Variants in TTC9C observed in about 807,000 individuals in gnomAD.
The protein encoded by TTC9C is tetratricopeptide repeat domain 9C, also known as tetratricopeptide repeat protein 9C.
In TTC9C, 15 loss-of-function variants were observed where a neutral mutation model predicts 22.5. That is an observed-to-expected ratio of 0.67 (90% CI 0.45 to 1.03). TTC9C has a LOEUF of 1.03. Among genes scored for constraint, TTC9C ranks in the 50% least tolerant of loss-of-function variants. The probability of loss-of-function intolerance (pLI) is 0.00; values close to 1 mark genes in which losing one functional copy is unlikely to be tolerated. For synonymous variants in TTC9C, 92 were observed against 86.8 expected (o/e 1.06, Z -0.33); for missense variants, 244 against 214.6 (o/e 1.14, Z -0.86).
At chr11:62,731,469 T>C (rs1432713999) in intron 1 of TTC9C, among the ~76,000 whole-genome samples, 2 of 152,042 alleles carry the variant, frequency 1.3e-5, no homozygotes, top group African/African-American at 4.8e-5. Context: ...TGGTTGTGCT[T>C]GCCGGTAGTC....
At chr11:62,731,108 C>T (rs920527792) in intron 1 of TTC9C, among the ~76,000 whole-genome samples, 9 of 151,870 alleles carry the variant, frequency 5.9e-5, no homozygotes, top group Non-Finnish European at 7.4e-5. Context: ...AGGCTGGTCT[C>T]GAGCTCCTGA....
chr11:62,733,880 TACTC>T (rs1397671156), intron 1 of TTC9C, among the ~76,000 whole-genome samples: 3 of 151,902 alleles, frequency 2.0e-5, no homozygotes, highest in Non-Finnish European at 2.9e-5. Context: ...TAATCCCAGT[TACTC>T]AGGAGGCTGA....
rs752782478 is a variant in TTC9C, at chr11:62,728,549, A to G, written c.-300A>G. The G allele has an allele frequency of 5.4e-5, 28 of 521,846 alleles. No homozygotes were observed. The East Asian group carries it at 6.0e-4, about 11-fold the overall frequency. The allele number at this position is 521,846 out of a possible 1,614,324, so 32.3% of individuals were successfully genotyped here. A position where few individuals can be genotyped will look rare whatever the true frequency, so the allele number is the denominator to read the frequency against. On this transcript the variant is annotated 5_prime_UTR_variant, in exon 1 of 3. Transcript: ENST00000316461. ...GTAGGGCCTTGCTTGAGTTCTTCGG[A>G]AAGTCTCATCCACCCCCACATCGCC...
chr11:62,737,065 G>A (rs2134823839), intron 2 of TTC9C, among the ~76,000 whole-genome samples: 2 of 152,160 alleles, frequency 1.3e-5, no homozygotes, highest in Admixed American at 1.3e-4. Flanking sequence ...CGGGCGTGGT[G>A]GCGGGCGCCT....
At chr11:62,736,427 G>T (rs983654754) in intron 2 of TTC9C, among the ~76,000 whole-genome samples, 23 of 152,050 alleles carry the variant, frequency 1.5e-4, no homozygotes, top group African/African-American at 5.6e-4. Flanking sequence ...GGGCGCAGTG[G>T]CTCACACCTG....
chr11:62,738,550 C>T lies in TTC9C; in HGVS notation c.*168C>T, dbSNP rs2134827556. On this transcript the variant is annotated 3_prime_UTR_variant, in exon 3 of 3. Transcript: ENST00000316461. ...CTACTTAGACAGTCTGAGTCTTTTT[C>T]TGTCTATCCATCTGTTTATTTCTAT... 1.9e-6 allele frequency: 1 copy of T among 528,504 alleles called. No individual in the cohort carries two copies. The highest frequency in any genetic ancestry group is 2.6e-5 in the South Asian group (1 of 38,432). 32.7% of individuals were successfully genotyped at this position (528,504 alleles called of 1,614,324 possible). A position where few individuals can be genotyped will look rare whatever the true frequency, so the allele number is the denominator to read the frequency against.
At chr11:62,734,838 G>C (rs574290) in intron 1 of TTC9C, among the ~76,000 whole-genome samples, 43,601 of 152,032 alleles carry the variant, frequency 0.29, 7,164 homozygotes, top group African/African-American at 0.46. Flanking sequence ...AAGCCTAACT[G>C]GCTACTAAAT....
At position 62,728,635 on chromosome 11, in the gene TTC9C, G is replaced by T. The variant is rs933504465; in HGVS notation, c.-214G>T. The T allele has an allele frequency of 8.8e-6, 6 of 681,186 alleles. No individual in the cohort carries two copies. In the Admixed American group the frequency reaches 1.2e-4, roughly 14 times the overall value. The allele number at this position is 681,186 out of a possible 1,614,324, so 42.2% of individuals were successfully genotyped here. ...TCCCACATCCCTTTCCTTACTACTTGCCTGCACTTCTTGAGAAAAAGACTG... is the reference window on the plus strand; with the variant it reads ...TCCCACATCCCTTTCCTTACTACTTTCCTGCACTTCTTGAGAAAAAGACTG... On this transcript the variant is annotated 5_prime_UTR_variant, in exon 1 of 3. Coordinates refer to ENST00000316461, the MANE Select transcript of TTC9C (RefSeq NM_173810.4).
chr11:62,731,431 T>A (rs1473025217), intron 1 of TTC9C, among the ~76,000 whole-genome samples: 1 of 151,992 alleles, frequency 6.6e-6, no homozygotes, highest in Non-Finnish European at 1.5e-5. Flanking sequence ...ACCCGGTCTC[T>A]ACAAAAAATA....
chr11:62,733,240 G>A (rs2083872994), intron 1 of TTC9C: 1 of 1,129,624 alleles, frequency 8.9e-7, no homozygotes, highest in African/African-American at 1.6e-5. Context: ...CAAGAGAATA[G>A]TGAAGTTATA....
At chr11:62,734,740 C>T (rs142527769) in intron 1 of TTC9C, among the ~76,000 whole-genome samples, 119 of 152,252 alleles carry the variant, frequency 7.8e-4, no homozygotes, top group African/African-American at 2.7e-3. Context: ...ACCTCAGCCT[C>T]CCAAAGTGCT....
At position 62,728,906 on chromosome 11, in the gene TTC9C, C is replaced by T. The variant is rs770843743; in HGVS notation, c.58C>T (p.Arg20Trp). The T allele has an allele frequency of 5.0e-6, 8 of 1,614,114 alleles. No individual in the cohort carries two copies. The highest frequency in any genetic ancestry group is 1.7e-5 in the Admixed American group (1 of 59,998). The change falls in exon 1 of 3, where the codon CGG becomes TGG. Residue 20 changes from arginine (R) to tryptophan (W), a missense_variant. Physicochemically the swap from Arg to Trp is moderately radical, Grantham distance 101. Coordinates refer to ENST00000316461, the MANE Select transcript of TTC9C (RefSeq NM_173810.4). Reference sequence around the variant, plus strand: ...CAAGGAGGAAGGGAACCAGCGCTACCGGGAAGGGAAGTACCGAGATGCTGT... The same window carrying T: ...CAAGGAGGAAGGGAACCAGCGCTACTGGGAAGGGAAGTACCGAGATGCTGT... ...LYKEEGNQRY[R>W]EGKYRDAVSR...
intron 1 of TTC9C, among the ~76,000 whole-genome samples, chr11:62,729,983 G>A (rs935777730): frequency 3.3e-5 from 5 of 152,196 alleles, no homozygotes; most frequent in African/African-American, 1.2e-4. Context: ...TTATTTAAGG[G>A]ACATTTAATA....
chr11:62,736,721 T>C lies in TTC9C; in HGVS notation c.421+1157T>C, dbSNP rs117658740. Among the ~76,000 whole-genome samples the C allele has an allele frequency of 8.1e-4, 120 of 148,910 alleles. 7 individuals carry two copies. In the East Asian group the frequency reaches 0.023, roughly 29 times the overall value. On this transcript the variant is annotated intron_variant, in intron 2 of 2. Transcript: ENST00000316461. ...AAAAAAAAAAAAAAGCTGGGCGTGA[T>C]GGCAGGCCCCTGTAATCCCAGCTAC...
rs752782478 is a variant in TTC9C at position 62,728,549 on chromosome 11, A to T, written c.-300A>T. The T allele has an allele frequency of 3.8e-6, 2 of 521,846 alleles. No homozygotes were observed. Among genetic ancestry groups the T allele is most frequent in the Non-Finnish European group, 7.4e-6 (2 of 270,584 alleles). The allele number at this position is 521,846 out of a possible 1,614,324, so 32.3% of individuals were successfully genotyped here. ...GTAGGGCCTTGCTTGAGTTCTTCGG[A>T]AAGTCTCATCCACCCCCACATCGCC... is the stretch of plus-strand genomic sequence containing the variant. On this transcript the variant is annotated 5_prime_UTR_variant, in exon 1 of 3. Coordinates refer to ENST00000316461, the MANE Select transcript of TTC9C (RefSeq NM_173810.4).
At chr11:62,732,714 A>G (rs766769862) in intron 1 of TTC9C, among the ~76,000 whole-genome samples, 3 of 152,004 alleles carry the variant, frequency 2.0e-5, no homozygotes, top group Non-Finnish European at 4.4e-5. Flanking sequence ...AGGTCAGGAG[A>G]TGGAGACCAT....
chr11:62,728,521 T>G lies in TTC9C; in HGVS notation c.-328T>G. ...GCGTTCTCACGCCCGCAACAATTCC[T>G]GAGTAGGGCCTTGCTTGAGTTCTTC... On this transcript the variant is annotated 5_prime_UTR_variant, in exon 1 of 3. Coordinates refer to ENST00000316461, the MANE Select transcript of TTC9C (RefSeq NM_173810.4). The G allele has an allele frequency of 2.0e-6, 1 of 493,988 alleles. No homozygotes were observed. Among genetic ancestry groups the G allele is most frequent in the Non-Finnish European group, 4.0e-6 (1 of 252,148 alleles). The allele number at this position is 493,988 out of a possible 1,614,324, so 30.6% of individuals were successfully genotyped here.
intron 1 of TTC9C, among the ~76,000 whole-genome samples, chr11:62,731,994 T>G (rs1391869206): frequency 2.3e-5 from 3 of 131,432 alleles, no homozygotes; most frequent in African/African-American, 8.7e-5. Context: ...CAGCACTTTT[T>G]TTTTTTTTTT....
Position 62,729,569 on chromosome 11 carries a change from ATT to A in TTC9C, c.238+505_238+506del, listed in dbSNP as rs1204345239. On this transcript the variant is annotated intron_variant, in intron 1 of 2. Transcript: ENST00000316461. ...GCCCGCCAGCCACCACGCCCAGCTA[ATT>A]TTTTTTTTTTTTTTTTTTTTTGAGA... Among the ~76,000 whole-genome samples the A allele has an allele frequency of 7.7e-3, 874 of 113,536 alleles. 8 individuals carry two copies. Among genetic ancestry groups the A allele is most frequent in the Non-Finnish European group, 0.012 (659 of 56,434 alleles). The allele number at this position is 113,536 out of a possible 152,430, so 74.5% of individuals were successfully genotyped here.
Sources: gnomAD v4.1 joint callset for allele counts (sites outside exome capture counted in the v4.1 genomes callset) on GRCh38, gnomAD v4.1.1 for gene constraint, MANE v1.5 for transcripts, NCBI Gene and HGNC (gene_info 2026-07-23, HGNC 2026-07-21) for gene names.